Variants in TIAM1 observed in about 807,000 individuals in gnomAD.
TIAM1 encodes the protein TIAM Rac1 associated GEF 1.
Under a neutral mutation model 163.5 loss-of-function variants are expected in TIAM1, and 65 were observed. That is an observed-to-expected ratio of 0.40 (90% CI 0.33 to 0.49). TIAM1 has a LOEUF of 0.49. Ranked by LOEUF, TIAM1 falls within the 20% of genes least tolerant of loss-of-function variation. TIAM1 has a pLI of 0.77. For synonymous variants in TIAM1, 833 were observed against 810.1 expected (o/e 1.03, Z -0.48); for missense variants, 1,789 against 2,044.7 (o/e 0.87, Z 2.41).
intron 2 of TIAM1, among the ~76,000 whole-genome samples, chr21:31,367,291 A>T (rs1393249993): frequency 6.6e-6 from 1 of 152,184 alleles, no homozygotes; most frequent in Non-Finnish European, 1.5e-5. Context: ...ACAGAGCTGG[A>T]AGAACGCCAC....
At chr21:31,367,169 G>C (rs1602107963) in intron 2 of TIAM1, among the ~76,000 whole-genome samples, 1 of 152,032 alleles carries the variant, frequency 6.6e-6, no homozygotes, top group African/African-American at 2.4e-5. Context: ...AGGAAAGGAG[G>C]AAGTGAAGAA....
chr21:31,256,626 C>CG (rs1335711602), intron 4 of TIAM1, among the ~76,000 whole-genome samples: 7 of 147,180 alleles, frequency 4.8e-5, no homozygotes, highest in African/African-American at 1.6e-4. Flanking sequence ...CACACACACA[C>CG]ACGTATATTA....
In TIAM1 at chr21:31,473,429, CAAAAAAAAAAAAAAAAAAAAAAAA is replaced by C. The variant is rs56691495; in HGVS notation, c.-421-9418_-421-9395del. Among the ~76,000 whole-genome samples the C allele has an allele frequency of 8.1e-4, 61 of 75,732 alleles. 2 individuals carry two copies. The East Asian group carries it at 0.039, about 48-fold the overall frequency. The allele number at this position is 75,732 out of a possible 152,430, so 49.7% of individuals were successfully genotyped here. A position where few individuals can be genotyped will look rare whatever the true frequency, so the allele number is the denominator to read the frequency against. On this transcript the variant is annotated intron_variant, in intron 1 of 28. Coordinates refer to the TIAM1 transcript ENST00000286827. ...TGGGGGACAGATCAAGACTCCATCT[CAAAAAAAAAAAAAAAAAAAAAAAA>C]AAAAAAAAAAAAACATGGCTTAGAA...
In TIAM1 at chr21:31,191,676, A is replaced by G. The variant is rs1385112368; in HGVS notation, c.2575+3548T>C. On this transcript the variant is annotated intron_variant, in intron 13 of 27. Transcript: ENST00000541036. ...AATACCTGCTTCTTTACATCGGATG[A>G]GTTGGGAAGCACTGTTTGTAACACT... Among the ~76,000 whole-genome samples, 3 of 152,240 alleles carry G rather than the reference A, an allele frequency of 2.0e-5. No homozygotes were observed. The East Asian group carries it at 5.8e-4, about 29-fold the overall frequency.
chr21:31,207,033 T>C (rs983413876), intron 11 of TIAM1, among the ~76,000 whole-genome samples: 5 of 152,176 alleles, frequency 3.3e-5, no homozygotes, highest in African/African-American at 1.2e-4. Flanking sequence ...CCAATGGTTA[T>C]AGCATATCCA....
At position 31,217,660 on chromosome 21, in the gene TIAM1, T is replaced by C. The variant is rs1280922521; in HGVS notation, c.2035A>G (p.Thr679Ala). 3 of 1,613,838 alleles carry C rather than the reference T, an allele frequency of 1.9e-6. No homozygotes were observed. The highest frequency in any genetic ancestry group is 1.1e-5 in the South Asian group (1 of 90,990). The change falls in exon 9 of 28, where the codon ACT becomes GCT. Residue 679 changes from threonine to alanine, a missense_variant. Thr to Ala is a moderately conservative substitution (Grantham distance 58). Transcript: ENST00000541036. ...CTCGCGGATCTGGACATGGCCTGAG[T>C]ACGTCTTCTCACTCCAGTTTCACCA... ...RTGETGVRRR[T>A]QAMSRSASKR...
chr21:31,182,336 T>G, intron 15 of TIAM1, 85 bp downstream of exon 15: 1 of 1,209,674 alleles, frequency 8.3e-7, no homozygotes, highest in Admixed American at 3.1e-5. Context: ...AGGCACTCAC[T>G]GAAACACACA....
chr21:31,276,082 T>C (rs952679741), intron 3 of TIAM1, among the ~76,000 whole-genome samples: 1 of 152,124 alleles, frequency 6.6e-6, no homozygotes, highest in Non-Finnish European at 1.5e-5. Flanking sequence ...AATTAGATTC[T>C]AGTGGGAGGT....
chr21:31,433,376 G>C (rs1476636017), intron 2 of TIAM1, among the ~76,000 whole-genome samples: 1 of 152,214 alleles, frequency 6.6e-6, no homozygotes, highest in Admixed American at 6.5e-5. Context: ...AGGTGATTAG[G>C]TTGAGCAAAC....
intron 15 of TIAM1, among the ~76,000 whole-genome samples, chr21:31,169,333 AAG>A (rs35832008): frequency 0.46 from 70,211 of 151,794 alleles, 18,770 homozygotes; most frequent in Non-Finnish European, 0.61. Flanking sequence ...CAGAAGAAGA[AAG>A]AGATAATTTC....
chr21:31,315,442 G>C (rs929262148), intron 2 of TIAM1, among the ~76,000 whole-genome samples: 4 of 151,854 alleles, frequency 2.6e-5, no homozygotes, highest in African/African-American at 9.7e-5. Flanking sequence ...GTGAACCCGG[G>C]AGGCGGAGCT....
chr21:31,436,687 G>C (rs1602274318), intron 2 of TIAM1, among the ~76,000 whole-genome samples: 1 of 152,042 alleles, frequency 6.6e-6, no homozygotes, highest in East Asian at 1.9e-4. Context: ...GCCAGGAGCA[G>C]TGGCTCACAC....
intron 3 of TIAM1, among the ~76,000 whole-genome samples, chr21:31,270,826 T>C (rs1045629221): frequency 9.9e-5 from 15 of 152,248 alleles, no homozygotes; most frequent in East Asian, 1.9e-4. Context: ...AGCCAAAAGA[T>C]TGGACATCCC....
chr21:31,300,213 C>G (rs2074448535), intron 2 of TIAM1, among the ~76,000 whole-genome samples: 2 of 152,178 alleles, frequency 1.3e-5, no homozygotes, highest in Non-Finnish European at 2.9e-5. Flanking sequence ...TGACTCCACA[C>G]TCTGGCATGA....
rs572459567 is a variant in TIAM1 at position 31,174,064 on chromosome 21, T to C, written c.2887+8357A>G. Among the ~76,000 whole-genome samples, 21 of 152,294 alleles carry C rather than the reference T, an allele frequency of 1.4e-4. No homozygotes were observed. In the South Asian group the frequency reaches 4.3e-3, roughly 32 times the overall value. On this transcript the variant is annotated intron_variant, in intron 15 of 27. Transcript: ENST00000541036. Reference sequence around the variant, plus strand: ...AGGACCATGTGCTGCCGGGTATCTGTGAGACTTCAGAGAATCTGAAGCCCT... The same window carrying C: ...AGGACCATGTGCTGCCGGGTATCTGCGAGACTTCAGAGAATCTGAAGCCCT...
In TIAM1 at chr21:31,489,313, C is replaced by T. The variant is rs532891485; in HGVS notation, c.-421-25278G>A. 1.6e-4 allele frequency among the ~76,000 whole-genome samples: 21 copies of T among 128,878 alleles called. 1 individual carries two copies. The highest frequency in any genetic ancestry group is 6.0e-4 in the South Asian group (2 of 3,352). The allele number at this position is 128,878 out of a possible 152,430, so 84.5% of individuals were successfully genotyped here. On this transcript the variant is annotated intron_variant, in intron 1 of 28. Coordinates refer to the TIAM1 transcript ENST00000286827. ...TGAACCCAGGAGTTCAAGGCTGCAA[C>T]GAGCTATGATTACACCACTGCACTC...
upstream of TIAM1, among the ~76,000 whole-genome samples, chr21:31,347,771 TTA>T (rs1301168771): frequency 9.9e-5 from 14 of 140,918 alleles, no homozygotes; most frequent in African/African-American, 4.5e-4. Flanking sequence ...CCTGACACCC[TTA>T]TGCACGAACG....
intron 25 of TIAM1, 90 bp downstream of exon 25, chr21:31,130,123 G>A: frequency 2.4e-6 from 2 of 831,414 alleles, no homozygotes; most frequent in Non-Finnish European, 3.7e-6. Context: ...GACGGTAGAA[G>A]AGTTAGACCA....
intron 6 of TIAM1, among the ~76,000 whole-genome samples, chr21:31,244,561 C>T (rs1405287039): frequency 6.6e-6 from 1 of 152,182 alleles, no homozygotes; most frequent in Non-Finnish European, 1.5e-5. Context: ...CCCGTATCTA[C>T]TGAAAATACA....
Sources: gnomAD v4.1 joint callset for allele counts (sites outside exome capture counted in the v4.1 genomes callset) on GRCh38, gnomAD v4.1.1 for gene constraint, MANE v1.5 for transcripts, NCBI Gene and HGNC (gene_info 2026-07-23, HGNC 2026-07-21) for gene names.